FOCAD: variants seen among roughly 807,000 people sequenced by gnomAD.
FOCAD encodes the protein focadhesin.
FOCAD carries 198 observed loss-of-function variants against 225.6 expected under a neutral mutation model. The ratio of observed to expected loss-of-function variants is 0.88; its 90% confidence interval spans 0.78 to 0.99. The LOEUF (loss-of-function observed/expected upper bound fraction) is 0.99. FOCAD is among the 50% of genes least tolerant of loss of function. The pLI is 0.00. For missense variants in FOCAD, 2,713 were observed against 2,123.6 expected, an observed-to-expected ratio of 1.28 and a Z score of -5.46; for synonymous variants, 897 against 755.0, an observed-to-expected ratio of 1.19 and a Z score of -3.08.
At chr9:20,869,296 G>A (rs1022800569) in intron 18 of FOCAD, among the ~76,000 whole-genome samples, 8 of 151,952 alleles carry the variant, frequency 5.3e-5, no homozygotes, top group Non-Finnish European at 1.0e-4. Flanking sequence ...TATGGAAACC[G>A]GTGGAATAAA....
intron 11 of FOCAD, among the ~76,000 whole-genome samples, chr9:20,790,602 T>G (rs1200143452): frequency 6.6e-6 from 1 of 152,130 alleles, no homozygotes; most frequent in African/African-American, 2.4e-5. Flanking sequence ...CGAAACCTTG[T>G]TTCTACTAAA....
chr9:20,720,130 T>G (rs902899477), intron 3 of FOCAD, among the ~76,000 whole-genome samples: 1 of 152,192 alleles, frequency 6.6e-6, no homozygotes, highest in Non-Finnish European at 1.5e-5. Flanking sequence ...GTCATACCTC[T>G]GCCTGCAGCC....
At chr9:20,662,878 A>C (rs1821776021) in intron 2 of FOCAD, among the ~76,000 whole-genome samples, 2 of 152,232 alleles carry the variant, frequency 1.3e-5, no homozygotes, top group African/African-American at 4.8e-5. Flanking sequence ...ACTTAATAGA[A>C]AAATCAAGAC....
At chr9:20,758,002 G>C in intron 5 of FOCAD, 88 bp from the exon 6 acceptor site, 1 of 669,046 alleles carries the variant, frequency 1.5e-6, no homozygotes, top group Middle Eastern at 2.7e-4. Flanking sequence ...CTAGATGGTA[G>C]GTACTGGCTT....
At chr9:20,918,532 G>A (rs1009729582) in intron 24 of FOCAD, among the ~76,000 whole-genome samples, 69 of 151,998 alleles carry the variant, frequency 4.5e-4, no homozygotes, top group African/African-American at 1.6e-3. Flanking sequence ...GACCATCCCG[G>A]CTAAAACGGT....
intron 8 of FOCAD, among the ~76,000 whole-genome samples, chr9:20,777,483 A>G (rs543721187): frequency 3.7e-4 from 57 of 152,106 alleles, no homozygotes; most frequent in African/African-American, 1.3e-3. Flanking sequence ...TTTTATTAAT[A>G]TTTATTAAAA....
chr9:20,964,692 C>T (rs956515421), intron 35 of FOCAD, among the ~76,000 whole-genome samples: 14 of 152,058 alleles, frequency 9.2e-5, no homozygotes, highest in Non-Finnish European at 1.8e-4. Context: ...CATGCCACCA[C>T]GCCCAGCTAA....
intron 21 of FOCAD, among the ~76,000 whole-genome samples, chr9:20,889,239 T>C (rs1831400070): frequency 6.6e-6 from 1 of 152,232 alleles, no homozygotes; most frequent in South Asian, 2.1e-4. Context: ...TACATGGTTT[T>C]TAATGTCTGG....
chr9:20,832,204 A>T (rs1316262042), intron 15 of FOCAD, among the ~76,000 whole-genome samples: 2 of 151,996 alleles, frequency 1.3e-5, no homozygotes, highest in Non-Finnish European at 1.5e-5. Flanking sequence ...TATATCTAAG[A>T]GTGGAATTGC....
intron 5 of FOCAD, among the ~76,000 whole-genome samples, chr9:20,746,240 G>C (rs964544992): frequency 6.6e-6 from 1 of 152,160 alleles, no homozygotes; most frequent in African/African-American, 2.4e-5. Context: ...GGAAGACATG[G>C]AGCCAGCTGC....
At chr9:20,841,223 G>A (rs12338491) in intron 15 of FOCAD, among the ~76,000 whole-genome samples, 3 of 151,774 alleles carry the variant, frequency 2.0e-5, no homozygotes, top group Admixed American at 1.3e-4. Context: ...TTTGGTATCA[G>A]TGTGATACTG....
intron 4 of FOCAD, among the ~76,000 whole-genome samples, chr9:20,733,354 CTTTTT>C (rs557832238): frequency 5.3e-5 from 8 of 151,870 alleles, no homozygotes; most frequent in African/African-American, 1.9e-4. Context: ...TTTAATTTTT[CTTTTT>C]TTTATTATTA....
At chr9:20,828,203 CA>C (rs568868094) in intron 15 of FOCAD, among the ~76,000 whole-genome samples, 2 of 151,002 alleles carry the variant, frequency 1.3e-5, no homozygotes, top group East Asian at 1.9e-4. Flanking sequence ...ATTCTTGTCA[CA>C]AAAAAAGTAA....
intron 8 of FOCAD, 129 bp downstream of exon 8, chr9:20,770,367 G>T (rs1462851464): frequency 2.4e-6 from 2 of 821,474 alleles, no homozygotes; most frequent in East Asian, 2.7e-5. Context: ...CATGGTGCTG[G>T]CATCTGCTTA....
chr9:20,826,675 G>A (rs968478393), intron 15 of FOCAD, among the ~76,000 whole-genome samples: 2 of 151,926 alleles, frequency 1.3e-5, no homozygotes, highest in African/African-American at 2.4e-5. Flanking sequence ...TATGATATAG[G>A]GGTTGTAGGA....
chr9:20,722,397 C>G (rs1327273338), intron 4 of FOCAD, among the ~76,000 whole-genome samples: 2 of 152,226 alleles, frequency 1.3e-5, no homozygotes, highest in Non-Finnish European at 2.9e-5. Flanking sequence ...CCTTCTCTGT[C>G]TGACATCATC....
intron 35 of FOCAD, among the ~76,000 whole-genome samples, chr9:20,973,182 C>A (rs1056067125): frequency 6.8e-6 from 1 of 147,676 alleles, no homozygotes; most frequent in Non-Finnish European, 1.5e-5. Context: ...AGCTATTTAA[C>A]CTTCTGCTGA....
chr9:20,721,562 C>G (rs546026614), intron 4 of FOCAD, among the ~76,000 whole-genome samples: 10 of 151,830 alleles, frequency 6.6e-5, no homozygotes, highest in African/African-American at 2.4e-4. Flanking sequence ...ATTAGCTGGG[C>G]GTGGTGATGC....
chr9:20,773,737 T>G (rs1818467684), intron 8 of FOCAD, among the ~76,000 whole-genome samples: 1 of 152,166 alleles, frequency 6.6e-6, no homozygotes, highest in African/African-American at 2.4e-5. Flanking sequence ...TCTTTCCAAT[T>G]AAAGGTCATC....
Sources: gnomAD v4.1 joint callset for allele counts (sites outside exome capture counted in the v4.1 genomes callset) on GRCh38, gnomAD v4.1.1 for gene constraint, MANE v1.5 for transcripts, NCBI Gene and HGNC (gene_info 2026-07-23, HGNC 2026-07-21) for gene names.